Variants in ZNF75D observed in about 807,000 individuals in gnomAD.
ZNF75D encodes the protein zinc finger protein 75D.
Under a neutral mutation model 33.3 loss-of-function variants are expected in ZNF75D, and 33 were observed. That is an observed-to-expected ratio of 0.99 (90% CI 0.75 to 1.32). ZNF75D has a LOEUF of 1.32. Ranked by LOEUF, ZNF75D falls within the 40% of genes most tolerant of loss-of-function variation. The pLI, the probability that ZNF75D is intolerant of heterozygous loss-of-function variation, is 0.00. For synonymous variants in ZNF75D, 113 were observed against 130.6 expected (o/e 0.87, Z 0.92); for missense variants, 338 against 367.5 (o/e 0.92, Z 0.66).
At position 135,287,642 on chromosome X, in the gene ZNF75D, G is replaced by C; in HGVS notation, c.1028C>G (p.Thr343Ser). Residue 343 changes from threonine to serine, a missense_variant, in exon 7 of 7, where the codon ACT (threonine) becomes AGT (serine). Transcript: ENST00000370766. ...AAGTTTTGGAAGCTCTTGTTTACAA[G>C]TTGCAGGTTTCTTTCTTTTCTTCCT... is the stretch of plus-strand genomic sequence containing the variant. ...FPRKKRKKPA[T>S]CKQELPKLMD... The C allele has an allele frequency of 9.1e-6, 11 of 1,210,683 alleles. No individual in the cohort carries two copies. The highest frequency in any genetic ancestry group is 6.9e-5 in the African/African-American group (4 of 57,748).
At chrX:135,284,637 C>G (rs1199840388), downstream of ZNF75D, among the ~76,000 whole-genome samples, 7 of 112,132 alleles carry the variant, frequency 6.2e-5, no homozygotes, top group African/African-American at 2.3e-4. Context: ...TAAAGGCAGT[C>G]ACTTCCTGCC....
chrX:135,299,154 T>A (rs1341702387), intron 1 of ZNF75D, among the ~76,000 whole-genome samples: 1 of 112,395 alleles, frequency 8.9e-6, no homozygotes, highest in Non-Finnish European at 1.9e-5. Context: ...TTTGTAGTGG[T>A]GTAATTGCTA....
In ZNF75D at chrX:135,325,566, C is replaced by T. The variant is rs782497884; in HGVS notation, c.-391+16202G>A. On this transcript the variant is annotated intron_variant, in intron 1 of 6. Transcript: ENST00000370766. ...ACTCGGAGCAGCCGGCCGGCCCTGC[C>T]GGCCCCGGGCAATGAGGGACGTAGC... 2.0e-4 allele frequency among the ~76,000 whole-genome samples: 23 copies of T among 112,423 alleles called. No homozygotes were observed. The South Asian group carries it at 2.9e-3, about 14-fold the overall frequency.
rs1456299697 is a variant in ZNF75D, at chrX:135,261,311, G to T, written n.828-5534C>A. Among the ~76,000 whole-genome samples, 3 of 112,337 alleles carry T rather than the reference G, an allele frequency of 2.7e-5. No homozygotes were observed. In the East Asian group the frequency reaches 8.3e-4, roughly 31 times the overall value. ...GGAGAGTTCTGTAGATGGCTATCAG[G>T]TTTGCTTGTTGCAGAGCTGAGTTCA... is the stretch of plus-strand genomic sequence containing the variant. On this transcript the variant is annotated intron_variant and non_coding_transcript_variant, in intron 1 of 3. Coordinates refer to the ZNF75D transcript ENST00000494295.
rs2083959382 is a variant in ZNF75D, at chrX:135,286,768, GAGTAAAAAA to G, written c.*360_*368del. The G allele has an allele frequency of 6.6e-6, 1 of 150,440 alleles. No individual in the cohort carries two copies. The highest frequency in any genetic ancestry group is 1.3e-5 in the Non-Finnish European group (1 of 79,609). The allele number at this position is 150,440 out of a possible 1,213,427, so 12.4% of individuals were successfully genotyped here. A position where few individuals can be genotyped will look rare whatever the true frequency, so the allele number is the denominator to read the frequency against. ...CTTATTTTCCATTTCTCTTGACAAA[GAGTAAAAAA>G]TGAGACTAAGAGCCTTGACTATCAT... On this transcript the variant is annotated 3_prime_UTR_variant, in exon 7 of 7. Coordinates refer to ENST00000370766, the MANE Select transcript of ZNF75D (RefSeq NM_007131.5).
intron 1 of ZNF75D, among the ~76,000 whole-genome samples, chrX:135,335,288 C>T (rs1257529961): frequency 9.9e-5 from 11 of 110,862 alleles, no homozygotes; most frequent in African/African-American, 3.6e-4. Context: ...CTTCTAAGTT[C>T]GATGGAGAGT....
chrX:135,338,409 T>G lies in ZNF75D; in HGVS notation c.-391+3359A>C, dbSNP rs1042182527. On this transcript the variant is annotated intron_variant, in intron 1 of 6. Coordinates refer to ENST00000370766, the MANE Select transcript of ZNF75D (RefSeq NM_007131.5). ...AAAGCATGCGATTACAAGTACATAT[T>G]TCTTTTCTTTAACTCAGGTTTTCTT... Among the ~76,000 whole-genome samples the G allele has an allele frequency of 6.2e-5, 7 of 112,271 alleles. 1 individual carries two copies. Among genetic ancestry groups the G allele is most frequent in the African/African-American group, 2.3e-4 (7 of 30,874 alleles).
intron 1 of ZNF75D, among the ~76,000 whole-genome samples, chrX:135,271,787 ACATAG>A (rs2083883930): frequency 8.9e-6 from 1 of 111,900 alleles, no homozygotes; most frequent in African/African-American, 3.3e-5. Context: ...TGGGAGGAGG[ACATAG>A]CACAACACAG....
At chrX:135,274,754 C>T (rs2083893831) in intron 1 of ZNF75D, among the ~76,000 whole-genome samples, 1 of 112,314 alleles carries the variant, frequency 8.9e-6, no homozygotes, top group Non-Finnish European at 1.9e-5. Flanking sequence ...AAATTAAAAA[C>T]TTAAAATTAT....
chrX:135,260,334 T>C (rs1342534375), intron 1 of ZNF75D, among the ~76,000 whole-genome samples: 2 of 112,373 alleles, frequency 1.8e-5, no homozygotes, highest in African/African-American at 6.5e-5. Context: ...GGATTTCCTC[T>C]TTTTCTATTG....
At chrX:135,317,646 T>A (rs1295085763) in intron 1 of ZNF75D, among the ~76,000 whole-genome samples, 2 of 110,500 alleles carry the variant, frequency 1.8e-5, no homozygotes, top group Non-Finnish European at 3.8e-5. Flanking sequence ...CAGGTAGGTG[T>A]CACCTGTGGT....
chrX:135,334,780 C>T (rs1380665702), intron 1 of ZNF75D, among the ~76,000 whole-genome samples: 16 of 111,642 alleles, frequency 1.4e-4, no homozygotes, highest in African/African-American at 4.9e-4. Context: ...GATCATCGCC[C>T]AGTGTGTCAT....
intron 1 of ZNF75D, among the ~76,000 whole-genome samples, chrX:135,258,600 G>C (rs193214533): frequency 1.8e-5 from 2 of 111,856 alleles, no homozygotes; most frequent in African/African-American, 6.5e-5. Flanking sequence ...CTTCTTTTGA[G>C]AAGTGTCTAT....
intron 1 of ZNF75D, among the ~76,000 whole-genome samples, chrX:135,277,920 A>T (rs2083905515): frequency 8.9e-6 from 1 of 112,131 alleles, no homozygotes; most frequent in South Asian, 3.7e-4. Context: ...GTCATGTAGC[A>T]TGATGCCTCC....
At chrX:135,277,384 T>C (rs2083903207) in intron 1 of ZNF75D, among the ~76,000 whole-genome samples, 1 of 112,549 alleles carries the variant, frequency 8.9e-6, no homozygotes, top group Non-Finnish European at 1.9e-5. Flanking sequence ...ATTCTGTATA[T>C]TAGCCCCTTA....
chrX:135,340,527 T>C (rs58392102), intron 1 of ZNF75D, among the ~76,000 whole-genome samples: 1,367 of 112,009 alleles, frequency 0.012, 17 homozygotes, highest in African/African-American at 0.041. Flanking sequence ...AAGGGACTAA[T>C]AGAGAATAGA....
chrX:135,280,944 G>A (rs927712816), downstream of ZNF75D, among the ~76,000 whole-genome samples: 3 of 111,452 alleles, frequency 2.7e-5, no homozygotes, highest in Non-Finnish European at 5.6e-5. Context: ...TTCAACTTTG[G>A]TGAATCTGAC....
At chrX:135,281,126 A>G (rs1556418456), downstream of ZNF75D, among the ~76,000 whole-genome samples, 1 of 111,201 alleles carries the variant, frequency 9.0e-6, no homozygotes, top group Non-Finnish European at 1.9e-5. Flanking sequence ...CAGGTACACC[A>G]GTGAAATGTA....
chrX:135,281,389 C>T (rs782584682), downstream of ZNF75D, among the ~76,000 whole-genome samples: 17 of 110,305 alleles, frequency 1.5e-4, no homozygotes, highest in African/African-American at 5.6e-4. Context: ...ATTTCTCTCA[C>T]CTTTTTTCAA....
Sources: allele counts gnomAD v4.1 joint callset (sites outside exome capture counted in the v4.1 genomes callset), GRCh38; gene constraint gnomAD v4.1.1; transcripts MANE v1.5; gene names NCBI Gene and HGNC (gene_info 2026-07-23, HGNC 2026-07-21).